TENM3: variants seen among roughly 807,000 people sequenced by gnomAD.
TENM3 encodes teneurin transmembrane protein 3.
TENM3 carries 63 observed loss-of-function variants against 255.1 expected under a neutral mutation model. That is an observed-to-expected ratio of 0.25 (90% confidence interval 0.20 to 0.30). The LOEUF is 0.30. TENM3 is among the 10% of genes least tolerant of loss of function. The probability of loss-of-function intolerance (pLI) is 1.00; values close to 1 mark genes in which losing one functional copy is unlikely to be tolerated. For missense variants in TENM3, 2,929 were observed against 3,461.1 expected, an observed-to-expected ratio of 0.85 and a Z score of 3.86; for synonymous variants, 1,306 against 1,322.3, an observed-to-expected ratio of 0.99 and a Z score of 0.27.
At chr4:182,334,180 A>G (rs1763954540) in intron 2 of TENM3, among the ~76,000 whole-genome samples, 1 of 152,080 alleles carries the variant, frequency 6.6e-6, no homozygotes, top group South Asian at 2.1e-4. Flanking sequence ...AAAAAATCCT[A>G]TCACAAAGGC....
Position 182,777,392 on chromosome 4 carries a change from G to C in TENM3, c.5304+2239G>C, listed in dbSNP as rs1342279019. ...CCATTGCACCTAGATCTTCCCAAGA[G>C]AGGGGCTATGTGAACACATCCTTGC... On this transcript the variant is annotated intron_variant, in intron 24 of 27. Coordinates refer to ENST00000511685, the MANE Select transcript of TENM3 (RefSeq NM_001080477.4). Among the ~76,000 whole-genome samples, 4 of 151,992 alleles carry C rather than the reference G, an allele frequency of 2.6e-5. No homozygotes were observed. In the East Asian group the frequency reaches 7.7e-4, roughly 29 times the overall value.
intron 4 of TENM3, among the ~76,000 whole-genome samples, chr4:182,627,617 T>G (rs916243433): frequency 6.6e-6 from 1 of 152,252 alleles, no homozygotes; most frequent in Non-Finnish European, 1.5e-5. Context: ...AGGAACATCG[T>G]AATAAGTGTC....
intron 13 of TENM3, 44 bp downstream of exon 13, chr4:182,714,277 G>C (rs1187278687): frequency 6.0e-6 from 8 of 1,329,562 alleles, no homozygotes; most frequent in African/African-American, 1.6e-5. Flanking sequence ...CCAGAGCACA[G>C]GTTCGTAAGT....
chr4:182,429,562 T>A (rs999948505), intron 3 of TENM3, among the ~76,000 whole-genome samples: 1 of 152,388 alleles, frequency 6.6e-6, no homozygotes, highest in Non-Finnish European at 1.5e-5. Flanking sequence ...AATGACTAAT[T>A]GAATTTGACA....
chr4:181,467,721 CAAAG>C, the TENM3 span, among the ~76,000 whole-genome samples: 3 of 151,822 alleles, frequency 2.0e-5, no homozygotes, highest in Non-Finnish European at 4.4e-5. Context: ...GAGCAGAACA[CAAAG>C]AAAGAAAGAA....
chr4:182,344,237 G>T (rs1764660434), intron 2 of TENM3, among the ~76,000 whole-genome samples: 1 of 152,036 alleles, frequency 6.6e-6, no homozygotes, highest in Non-Finnish European at 1.5e-5. Context: ...TCCAACTGAG[G>T]CCAAGTTTAG....
intron 3 of TENM3, among the ~76,000 whole-genome samples, chr4:182,402,779 A>G (rs1184165032): frequency 6.6e-6 from 1 of 152,212 alleles, no homozygotes; most frequent in African/African-American, 2.4e-5. Context: ...TGAGTGTTTC[A>G]TGAGACAACT....
rs193210099 is a variant in TENM3, at chr4:182,696,330, A to C, written c.2221+7979A>C. Among the ~76,000 whole-genome samples, 77 of 152,330 alleles carry C rather than the reference A, an allele frequency of 5.1e-4. 1 individual carries two copies. Among genetic ancestry groups the C allele is most frequent in the African/African-American group, 1.7e-3 (72 of 41,580 alleles). On this transcript the variant is annotated intron_variant, in intron 12 of 27. Transcript: ENST00000511685. ...TATCTCTCTATACTCTCTATAGAAA[A>C]TATTACAAAAATCGTTGTCATATAA...
At chr4:182,711,594 A>T in intron 12 of TENM3, 1 of 979,560 alleles carries the variant, frequency 1.0e-6, no homozygotes, top group Non-Finnish European at 1.2e-6. Flanking sequence ...TGGATAAGAT[A>T]GTTAAAGGTA....
At chr4:181,959,705 A>G in the TENM3 span, among the ~76,000 whole-genome samples, 1 of 152,330 alleles carries the variant, frequency 6.6e-6, no homozygotes, top group African/African-American at 2.4e-5. Context: ...ATTAATTCAT[A>G]TTACAGATTT....
intron 1 of TENM3, among the ~76,000 whole-genome samples, chr4:182,310,428 G>A (rs1762374663): frequency 6.6e-6 from 1 of 152,128 alleles, no homozygotes; most frequent in South Asian, 2.1e-4. Flanking sequence ...GTGAGCAGGA[G>A]GCAGGCTTTC....
intron 12 of TENM3, among the ~76,000 whole-genome samples, chr4:182,694,193 T>G (rs564378198): frequency 1.4e-4 from 21 of 152,244 alleles, no homozygotes; most frequent in African/African-American, 4.3e-4. Flanking sequence ...CACTGCAGCC[T>G]CTGCCTCCTG....
At chr4:182,681,099 G>A (rs4861517) in intron 10 of TENM3, among the ~76,000 whole-genome samples, 44,265 of 152,006 alleles carry the variant, frequency 0.29, 7,191 homozygotes, top group East Asian at 0.7. Context: ...GAAAGACAGA[G>A]TAGTACACAT....
At chr4:182,738,243 G>C (rs1222424169) in intron 17 of TENM3, among the ~76,000 whole-genome samples, 158 bp from the exon 18 acceptor site, 1 of 152,032 alleles carries the variant, frequency 6.6e-6, no homozygotes, top group Non-Finnish European at 1.5e-5. Flanking sequence ...AAAATCTTTG[G>C]TGAAATCTTC....
intron 3 of TENM3, among the ~76,000 whole-genome samples, chr4:182,500,566 A>AT (rs1736211405): frequency 6.6e-6 from 1 of 152,146 alleles, no homozygotes; most frequent in Non-Finnish European, 1.5e-5. Context: ...TATGTTTAAA[A>AT]TTTTTTAAAG....
the TENM3 span, among the ~76,000 whole-genome samples, chr4:181,451,505 T>C: frequency 6.6e-6 from 1 of 151,996 alleles, no homozygotes; most frequent in South Asian, 2.1e-4. Context: ...ATAGAACAGA[T>C]GTAGAAAGGA....
chr4:182,779,343 A>G (rs1454529699), intron 24 of TENM3, among the ~76,000 whole-genome samples: 1 of 152,096 alleles, frequency 6.6e-6, no homozygotes, highest in Non-Finnish European at 1.5e-5. Context: ...TTTACTGAGA[A>G]TGATGTTTTC....
intron 6 of TENM3, among the ~76,000 whole-genome samples, chr4:182,672,512 T>C (rs1401310123): frequency 6.6e-6 from 1 of 152,188 alleles, no homozygotes; most frequent in Non-Finnish European, 1.5e-5. Context: ...TCCTAGTATA[T>C]CATTTAGATA....
chr4:182,365,207 T>C (rs1484642100), intron 3 of TENM3, among the ~76,000 whole-genome samples: 7 of 152,224 alleles, frequency 4.6e-5, no homozygotes, highest in Non-Finnish European at 5.9e-5. Context: ...CTTTTGTGAA[T>C]TGCCAGTTCT....
Sources: gnomAD v4.1 joint callset for allele counts (sites outside exome capture counted in the v4.1 genomes callset) on GRCh38, gnomAD v4.1.1 for gene constraint, MANE v1.5 for transcripts, NCBI Gene and HGNC (gene_info 2026-07-23, HGNC 2026-07-21) for gene names.